Variants in NKAIN2 observed in about 807,000 individuals in gnomAD.
NKAIN2 encodes the protein sodium/potassium transporting ATPase interacting 2.
In NKAIN2, 14 loss-of-function variants were observed where a neutral mutation model predicts 32.6. The ratio of observed to expected loss-of-function variants is 0.43; its 90% CI spans 0.28 to 0.67. The LOEUF is 0.67. NKAIN2 is among the 30% of genes least tolerant of loss of function. The pLI is 0.17. For missense variants in NKAIN2, 198 were observed against 258.3 expected, an observed-to-expected ratio of 0.77 and a Z score of 1.60; for synonymous variants, 80 against 87.2, an observed-to-expected ratio of 0.92 and a Z score of 0.46.
chr6:123,952,216 C>T (rs888604737), intron 1 of NKAIN2, among the ~76,000 whole-genome samples: 2 of 151,980 alleles, frequency 1.3e-5, no homozygotes, highest in Admixed American at 1.3e-4. Context: ...TTGAATATAT[C>T]ATCTCATTCT....
At chr6:124,343,670 A>T (rs1180789193) in intron 2 of NKAIN2, among the ~76,000 whole-genome samples, 1 of 148,388 alleles carries the variant, frequency 6.7e-6, no homozygotes, top group African/African-American at 2.4e-5. Context: ...CCACTTTTTG[A>T]TGGGGTTGTT....
intron 1 of NKAIN2, among the ~76,000 whole-genome samples, chr6:124,115,719 C>A (rs886634570): frequency 2.6e-5 from 4 of 152,048 alleles, no homozygotes; most frequent in Non-Finnish European, 4.4e-5. Context: ...GATTCTAAGA[C>A]ACCATCAGTT....
chr6:124,697,437 A>T (rs1277931433), intron 4 of NKAIN2, among the ~76,000 whole-genome samples: 1 of 152,154 alleles, frequency 6.6e-6, no homozygotes, highest in East Asian at 1.9e-4. Context: ...TTTCATCACA[A>T]TTTGTTTCTT....
At chr6:124,569,194 C>T (rs906787199) in intron 3 of NKAIN2, among the ~76,000 whole-genome samples, 1 of 152,142 alleles carries the variant, frequency 6.6e-6, no homozygotes, top group Non-Finnish European at 1.5e-5. Context: ...GCCTTCTTTC[C>T]TGCTTTCTAT....
At chr6:124,490,413 T>TTTG (rs1491584507) in intron 3 of NKAIN2, 1 of 162,494 alleles carries the variant, frequency 6.2e-6, no homozygotes, top group Non-Finnish European at 1.1e-5. Flanking sequence ...ATCATAGAGG[T>TTTG]TTTTTTTTTT....
At chr6:124,037,270 T>G (rs1562322209) in intron 1 of NKAIN2, among the ~76,000 whole-genome samples, 2 of 152,184 alleles carry the variant, frequency 1.3e-5, no homozygotes, top group Non-Finnish European at 2.9e-5. Context: ...AAATGTTTTT[T>G]GCCATACTGT....
intron 3 of NKAIN2, among the ~76,000 whole-genome samples, chr6:124,377,348 C>A (rs936350636): frequency 1.3e-5 from 2 of 152,160 alleles, no homozygotes; most frequent in African/African-American, 4.8e-5. Flanking sequence ...AGTAAGCAAG[C>A]CAGACCCAGG....
chr6:123,844,475 C>A (rs1479727962), intron 1 of NKAIN2, among the ~76,000 whole-genome samples: 1 of 152,128 alleles, frequency 6.6e-6, no homozygotes, highest in African/African-American at 2.4e-5. Flanking sequence ...AAATAGCATC[C>A]CCTTTAACCA....
At chr6:124,293,684 T>A (rs902944588) in intron 2 of NKAIN2, among the ~76,000 whole-genome samples, 45 of 152,306 alleles carry the variant, frequency 3.0e-4, no homozygotes, top group African/African-American at 9.1e-4. Flanking sequence ...TGTTTCATGT[T>A]ATTGTCATAG....
intron 1 of NKAIN2, among the ~76,000 whole-genome samples, chr6:123,825,116 G>A (rs1187604045): frequency 1.3e-5 from 2 of 152,084 alleles, no homozygotes; most frequent in Non-Finnish European, 2.9e-5. Context: ...GGTGGAAGAG[G>A]CCAACAAGCT....
At chr6:124,173,590 A>T (rs911381796) in intron 1 of NKAIN2, among the ~76,000 whole-genome samples, 1 of 152,122 alleles carries the variant, frequency 6.6e-6, no homozygotes. Context: ...TGGTGGTATT[A>T]TATCTTGCTA....
chr6:123,977,942 G>T lies in NKAIN2; in HGVS notation c.54+173688G>T, dbSNP rs148844432. On this transcript the variant is annotated intron_variant, in intron 1 of 6. Coordinates refer to ENST00000368417, the MANE Select transcript of NKAIN2 (RefSeq NM_001040214.3). Reference sequence around the variant, plus strand: ...GAGATTTTTAAAGAGTGTAGCTCATGTCTTATTGAGGAGGAAGATACAAAG... The same window carrying T: ...GAGATTTTTAAAGAGTGTAGCTCATTTCTTATTGAGGAGGAAGATACAAAG... Among the ~76,000 whole-genome samples the T allele has an allele frequency of 2.0e-3, 299 of 152,252 alleles. 1 individual carries two copies. The highest frequency in any genetic ancestry group is 6.5e-3 in the African/African-American group (270 of 41,558).
intron 3 of NKAIN2, among the ~76,000 whole-genome samples, chr6:124,629,430 T>C (rs1008670832): frequency 2.6e-5 from 4 of 152,158 alleles, no homozygotes; most frequent in African/African-American, 9.7e-5. Context: ...CCCAGATTTA[T>C]ACTCAAAACT....
chr6:124,666,181 A>C (rs1001655185), intron 4 of NKAIN2, among the ~76,000 whole-genome samples: 14 of 152,168 alleles, frequency 9.2e-5, no homozygotes, highest in African/African-American at 2.4e-4. Flanking sequence ...AAACAAAATA[A>C]ATGTGTTTGT....
intron 1 of NKAIN2, among the ~76,000 whole-genome samples, chr6:124,103,759 T>G (rs1784993296): frequency 6.6e-6 from 1 of 152,144 alleles, no homozygotes; most frequent in South Asian, 2.1e-4. Flanking sequence ...TAAGCTGATG[T>G]CTCCTTTTTT....
intron 1 of NKAIN2, among the ~76,000 whole-genome samples, chr6:124,221,169 A>G (rs981973367): frequency 7.9e-5 from 12 of 151,974 alleles, no homozygotes; most frequent in Non-Finnish European, 1.6e-4. Flanking sequence ...ATGTCCAACA[A>G]TGATAGACTG....
intron 1 of NKAIN2, among the ~76,000 whole-genome samples, chr6:124,256,533 A>T (rs528982304): frequency 1.3e-5 from 2 of 152,292 alleles, no homozygotes; most frequent in East Asian, 3.9e-4. Context: ...ACCATCCTAA[A>T]TCTGATAGTT....
At chr6:124,720,991 G>T (rs1462172340) in intron 4 of NKAIN2, among the ~76,000 whole-genome samples, 1 of 152,192 alleles carries the variant, frequency 6.6e-6, no homozygotes, top group Non-Finnish European at 1.5e-5. Context: ...TCATAGGGGT[G>T]TGCAGTACAA....
chr6:124,715,949 T>A (rs1355364172), intron 4 of NKAIN2, among the ~76,000 whole-genome samples: 1 of 152,206 alleles, frequency 6.6e-6, no homozygotes, highest in African/African-American at 2.4e-5. Context: ...AAGAACAATG[T>A]CTCAAAGTAA....
Sources: allele counts gnomAD v4.1 joint callset (sites outside exome capture counted in the v4.1 genomes callset), GRCh38; gene constraint gnomAD v4.1.1; transcripts MANE v1.5; gene names NCBI Gene and HGNC (gene_info 2026-07-23, HGNC 2026-07-21).